Variants in NKAIN2 observed in about 807,000 individuals in gnomAD.
NKAIN2 encodes the protein sodium/potassium-transporting ATPase subunit beta-1-interacting protein 2.
NKAIN2 carries 14 observed loss-of-function variants against 32.6 expected under a neutral mutation model. The ratio of observed to expected loss-of-function variants is 0.43; its 90% confidence interval spans 0.28 to 0.67. The LOEUF is 0.67. Ranked by LOEUF, NKAIN2 falls within the 30% of genes least tolerant of loss-of-function variation. NKAIN2 has a pLI of 0.17. For missense variants in NKAIN2, 198 were observed against 258.3 expected (o/e 0.77, Z 1.60); for synonymous variants, 80 against 87.2 (o/e 0.92, Z 0.46).
At chr6:124,801,509 A>T (rs565263104) in intron 5 of NKAIN2, among the ~76,000 whole-genome samples, 1 of 152,208 alleles carries the variant, frequency 6.6e-6, no homozygotes, top group Admixed American at 6.5e-5. Flanking sequence ...TATACTTTCC[A>T]TGTCACTTCA....
intron 1 of NKAIN2, among the ~76,000 whole-genome samples, chr6:123,858,025 T>G (rs781306234): frequency 1.3e-5 from 2 of 152,182 alleles, no homozygotes; most frequent in Admixed American, 6.5e-5. Context: ...TAGGGAGATA[T>G]GAAACTGATA....
intron 1 of NKAIN2, among the ~76,000 whole-genome samples, chr6:123,979,450 G>A (rs1175829323): frequency 6.6e-6 from 1 of 152,116 alleles, no homozygotes; most frequent in African/African-American, 2.4e-5. Flanking sequence ...GACATCACCA[G>A]TATGCTGAGC....
At chr6:124,594,509 A>G (rs10499127) in intron 3 of NKAIN2, among the ~76,000 whole-genome samples, 13,945 of 152,256 alleles carry the variant, frequency 0.092, 731 homozygotes, top group South Asian at 0.21. Context: ...GGATTAAGTC[A>G]TAAAGAGGAT....
At chr6:124,343,971 G>C (rs369700642) in intron 2 of NKAIN2, among the ~76,000 whole-genome samples, 80 of 151,294 alleles carry the variant, frequency 5.3e-4, no homozygotes, top group African/African-American at 1.9e-3. Flanking sequence ...TTAGGTCTAA[G>C]GTTTAAGTCT....
Position 124,619,122 on chromosome 6 carries a change from A to C in NKAIN2, c.274-39064A>C, listed in dbSNP as rs573220807. Among the ~76,000 whole-genome samples, 61 of 152,354 alleles carry C rather than the reference A, an allele frequency of 4.0e-4. 1 individual carries two copies. Among genetic ancestry groups the C allele is most frequent in the African/African-American group, 1.4e-3 (59 of 41,586 alleles). ...AGGAAGAGAATTACATTACATAATT[A>C]GAACATGAAGACCAAATTATTTTCA... On this transcript the variant is annotated intron_variant, in intron 3 of 6. Coordinates refer to ENST00000368417, the MANE Select transcript of NKAIN2 (RefSeq NM_001040214.3).
chr6:124,250,433 G>T (rs1363686824), intron 1 of NKAIN2, among the ~76,000 whole-genome samples: 1 of 151,658 alleles, frequency 6.6e-6, no homozygotes, highest in South Asian at 2.1e-4. Context: ...AAATACAAAG[G>T]GAAGATTTTT....
At chr6:124,568,176 G>A (rs1396548509) in intron 3 of NKAIN2, among the ~76,000 whole-genome samples, 1 of 152,188 alleles carries the variant, frequency 6.6e-6, no homozygotes, top group Non-Finnish European at 1.5e-5. Context: ...GGTTCACTTT[G>A]CCTTTTGTAG....
At chr6:123,938,295 C>A (rs1321278669) in intron 1 of NKAIN2, among the ~76,000 whole-genome samples, 1 of 149,626 alleles carries the variant, frequency 6.7e-6, no homozygotes, top group East Asian at 2.0e-4. Flanking sequence ...TTTATTTGAA[C>A]ACTTCATGTT....
At chr6:124,675,916 T>G (rs1354512431) in intron 4 of NKAIN2, among the ~76,000 whole-genome samples, 1 of 151,970 alleles carries the variant, frequency 6.6e-6, no homozygotes, top group Non-Finnish European at 1.5e-5. Flanking sequence ...GTTGTAAAGT[T>G]ACATTGTTTG....
chr6:124,010,688 A>T (rs919448903), intron 1 of NKAIN2, among the ~76,000 whole-genome samples: 3 of 151,812 alleles, frequency 2.0e-5, no homozygotes, highest in Non-Finnish European at 4.4e-5. Context: ...GCTTTTGAAG[A>T]TTAAATTGTG....
chr6:124,706,417 T>C (rs1467754579), intron 4 of NKAIN2, among the ~76,000 whole-genome samples: 1 of 152,082 alleles, frequency 6.6e-6, no homozygotes, highest in Admixed American at 6.6e-5. Context: ...ATATATTGAA[T>C]TAAAATAAGC....
chr6:124,089,914 T>A (rs1255243074), intron 1 of NKAIN2, among the ~76,000 whole-genome samples: 1 of 151,768 alleles, frequency 6.6e-6, no homozygotes. Flanking sequence ...GACCAATCAT[T>A]CAAACTCAAG....
intron 4 of NKAIN2, among the ~76,000 whole-genome samples, chr6:124,779,396 T>C (rs1779158327): frequency 6.6e-6 from 1 of 151,698 alleles, no homozygotes; most frequent in Non-Finnish European, 1.5e-5. Flanking sequence ...CTCCTGTCAC[T>C]ATTTAATCAT....
intron 1 of NKAIN2, among the ~76,000 whole-genome samples, chr6:123,811,955 A>G (rs1033286132): frequency 1.7e-4 from 26 of 152,208 alleles, no homozygotes; most frequent in African/African-American, 5.8e-4. Context: ...AAACAAGTCA[A>G]CATTGTTCTT....
At chr6:123,950,833 G>A (rs1171096258) in intron 1 of NKAIN2, among the ~76,000 whole-genome samples, 1 of 151,718 alleles carries the variant, frequency 6.6e-6, no homozygotes, top group Non-Finnish European at 1.5e-5. Context: ...CTACTAATTT[G>A]GGGTTTGGAT....
At chr6:124,446,467 A>C (rs1775898446) in intron 3 of NKAIN2, among the ~76,000 whole-genome samples, 1 of 151,912 alleles carries the variant, frequency 6.6e-6, no homozygotes, top group Non-Finnish European at 1.5e-5. Flanking sequence ...CTCAGCTTCC[A>C]GAGTAGCTAA....
intron 3 of NKAIN2, among the ~76,000 whole-genome samples, chr6:124,490,076 T>C (rs1777801660): frequency 1.3e-5 from 2 of 151,896 alleles, no homozygotes; most frequent in African/African-American, 4.8e-5. Context: ...TAATATATAC[T>C]GCTCTTACAG....
At chr6:124,246,578 C>T (rs1321603665) in intron 1 of NKAIN2, among the ~76,000 whole-genome samples, 5 of 151,952 alleles carry the variant, frequency 3.3e-5, no homozygotes, top group Admixed American at 6.6e-5. Flanking sequence ...GAAACAAATC[C>T]GTGTGGCCTC....
At chr6:124,360,996 G>A (rs1485713648) in intron 3 of NKAIN2, among the ~76,000 whole-genome samples, 1 of 152,110 alleles carries the variant, frequency 6.6e-6, no homozygotes, top group African/African-American at 2.4e-5. Context: ...CTTGGCAATT[G>A]TGGTTCCCTT....
Sources: allele counts gnomAD v4.1 joint callset (sites outside exome capture counted in the v4.1 genomes callset), GRCh38; gene constraint gnomAD v4.1.1; transcripts MANE v1.5; gene names NCBI Gene and HGNC (gene_info 2026-07-23, HGNC 2026-07-21).